ZBTB49: variants seen among roughly 807,000 people sequenced by gnomAD.
ZBTB49 encodes the protein zinc finger and BTB domain-containing protein 49.
In ZBTB49, 43 loss-of-function variants were observed where a neutral mutation model predicts 57.5. The ratio of observed to expected loss-of-function variants is 0.75; its 90% CI spans 0.59 to 0.97. ZBTB49 has a LOEUF of 0.97. Ranked by LOEUF, ZBTB49 falls within the 50% of genes least tolerant of loss-of-function variation. The probability of loss-of-function intolerance (pLI) is 0.00; values close to 1 mark genes in which losing one functional copy is unlikely to be tolerated. For missense variants in ZBTB49, 938 were observed against 947.7 expected (o/e 0.99, Z 0.13); for synonymous variants, 369 against 362.1 (o/e 1.02, Z -0.22).
rs192885927 is a variant in ZBTB49 at position 4,304,404 on chromosome 4, G to T, written c.1255+1313G>T. Among the ~76,000 whole-genome samples the T allele has an allele frequency of 3.9e-5, 6 of 152,048 alleles. No homozygotes were observed. The East Asian group carries it at 1.2e-3, about 29-fold the overall frequency. On this transcript the variant is annotated intron_variant, in intron 3 of 7. Transcript: ENST00000337872. ...CCAATTTTTTTGTATTTTTAGTAGA[G>T]ACAGGGTTTCACCATGTTGGTCAGG...
intron 3 of ZBTB49, among the ~76,000 whole-genome samples, chr4:4,303,725 A>AT (rs1720606533): frequency 1.5e-5 from 1 of 68,964 alleles, no homozygotes; most frequent in Non-Finnish European, 3.1e-5. Context: ...TTTTTAAGGT[A>AT]TTCTCTCTCT....
rs1402346652 is a variant in ZBTB49, at chr4:4,315,661, CG to C, written c.1403del (p.Arg468LeufsTer27). On this transcript the variant is annotated frameshift_variant, in exon 6 of 8. Coordinates refer to ENST00000337872, the MANE Select transcript of ZBTB49 (RefSeq NM_145291.4). LOFTEE classifies it high-confidence loss of function. ...GTTTGCAGCCTCTGGCGACGTCCAG[CG>C]TCACATTATTATTCACTCAGGAGAA... Reference protein sequence around the residue: ...KRFAASGDVQRHIIIHSGEKP... With the variant: ...KRFAASGDVQXHIIIHSGEKP... 3 of 1,614,184 alleles carry C rather than the reference CG, an allele frequency of 1.9e-6. No individual in the cohort carries two copies. The highest frequency in any genetic ancestry group is 2.5e-6 in the Non-Finnish European group (3 of 1,180,020).
intron 1 of ZBTB49, among the ~76,000 whole-genome samples, chr4:4,294,107 T>C (rs890226963): frequency 6.6e-6 from 1 of 152,340 alleles, no homozygotes; most frequent in African/African-American, 2.4e-5. Context: ...GCCTGGCATC[T>C]AGGAAACATA....
chr4:4,300,223 G>T (rs763600498), intron 2 of ZBTB49, 126 bp downstream of exon 2: 73 of 1,088,066 alleles, frequency 6.7e-5, no homozygotes, highest in Non-Finnish European at 8.8e-5. Flanking sequence ...ATTGGATTTT[G>T]TAGGAGTTGT....
intron 1 of ZBTB49, among the ~76,000 whole-genome samples, chr4:4,290,605 G>A (rs755806173): frequency 6.6e-6 from 1 of 152,220 alleles, no homozygotes; most frequent in Non-Finnish European, 1.5e-5. Flanking sequence ...TGGGAGCCGG[G>A]CCTTCTCCCT....
chr4:4,307,771 G>A (rs1173720789), intron 4 of ZBTB49, among the ~76,000 whole-genome samples: 2 of 151,912 alleles, frequency 1.3e-5, no homozygotes, highest in South Asian at 2.1e-4. Context: ...TAGCAATTGC[G>A]ACTTCTCTGG....
chr4:4,302,909 G>A lies in ZBTB49; in HGVS notation c.1073G>A (p.Ser358Asn). ...AGCCAAAGTGCTGAAGAAAAAGAAA[G>A]TGAAGAAGTCGTCAGTTGTGAGAAT... ...ASSQSAEEKE[S>N]EEVVSCENFN... The change falls in exon 3 of 8, where the codon AGT (serine) becomes AAT (asparagine). Residue 358 changes from serine (S) to asparagine (N), a missense_variant. Physicochemically the swap from Ser to Asn is conservative, Grantham distance 46 (BLOSUM62 1). Around this residue, in one of 3 missense-constraint regions of ZBTB49, gnomAD observed 835 missense variants for 819.1 expected, o/e 1.02. Coordinates refer to ENST00000337872, the MANE Select transcript of ZBTB49 (RefSeq NM_145291.4). 6.2e-7 allele frequency: 1 copy of A among 1,614,212 alleles called. No homozygotes were observed. Among genetic ancestry groups the A allele is most frequent in the Non-Finnish European group, 8.5e-7 (1 of 1,180,048 alleles).
intron 7 of ZBTB49, 102 bp downstream of exon 7, chr4:4,316,072 T>C: frequency 6.9e-7 from 1 of 1,443,530 alleles, no homozygotes; most frequent in South Asian, 1.4e-5. Context: ...GAGCCCTTTG[T>C]TTCCTCCTGT....
Position 4,313,132 on chromosome 4 carries a change from T to G in ZBTB49, c.1376+18T>G. ...GGAAAGAGGTCAGTGCTGGGCGTGT[T>G]CTTCCGTGTGGAAGGGAGCATGTCT... On this transcript the variant is annotated intron_variant, in intron 5 of 7. Transcript: ENST00000337872. The G allele has an allele frequency of 6.2e-7, 1 of 1,613,828 alleles. No individual in the cohort carries two copies. Among genetic ancestry groups the G allele is most frequent in the Non-Finnish European group, 8.5e-7 (1 of 1,179,906 alleles).
chr4:4,294,963 A>C (rs2980162), intron 1 of ZBTB49, among the ~76,000 whole-genome samples: 1 of 150,800 alleles, frequency 6.6e-6, no homozygotes, highest in Non-Finnish European at 1.5e-5. Context: ...AAAAGCATAG[A>C]CTCCAGTGTT....
chr4:4,291,255 G>A (rs901335877), intron 1 of ZBTB49, among the ~76,000 whole-genome samples: 1 of 152,172 alleles, frequency 6.6e-6, no homozygotes, highest in African/African-American at 2.4e-5. Flanking sequence ...GTGTCTTCAG[G>A]TTTGGTTTCT....
intron 7 of ZBTB49, among the ~76,000 whole-genome samples, chr4:4,318,894 CTTTTT>C (rs113390733): frequency 7.6e-6 from 1 of 130,946 alleles, no homozygotes; most frequent in Non-Finnish European, 1.6e-5. Context: ...TTTTTTTAAT[CTTTTT>C]TTTTTTTTTT....
chr4:4,301,649 C>G (rs901021211), intron 2 of ZBTB49, among the ~76,000 whole-genome samples: 10 of 151,916 alleles, frequency 6.6e-5, no homozygotes, highest in Non-Finnish European at 1.5e-5. Context: ...TCTTTTATTT[C>G]TTAGATCATA....
intron 5 of ZBTB49, 101 bp downstream of exon 5, chr4:4,313,215 C>T: frequency 7.5e-7 from 1 of 1,334,300 alleles, no homozygotes; most frequent in African/African-American, 1.5e-5. Flanking sequence ...AGATGAGCCA[C>T]AGGTGGGCTC....
intron 1 of ZBTB49, among the ~76,000 whole-genome samples, chr4:4,293,337 T>C (rs907759105): frequency 1.3e-5 from 2 of 152,250 alleles, no homozygotes; most frequent in African/African-American, 2.4e-5. Context: ...TCCTGAATTG[T>C]GCAGTTCCTT....
intron 2 of ZBTB49, among the ~76,000 whole-genome samples, chr4:4,301,215 T>A (rs1465344667): frequency 1.3e-5 from 2 of 152,230 alleles, no homozygotes; most frequent in African/African-American, 4.8e-5. Flanking sequence ...TTTGACAAAA[T>A]GTCTTCAACT....
At chr4:4,305,032 CCT>C (rs1199930874) in intron 3 of ZBTB49, among the ~76,000 whole-genome samples, 4 of 152,038 alleles carry the variant, frequency 2.6e-5, no homozygotes, top group Admixed American at 1.3e-4. Context: ...TAACTGGTGA[CCT>C]CTCTCTCTTT....
At position 4,290,955 on chromosome 4, in the gene ZBTB49, C is replaced by T. The variant is rs371440823; in HGVS notation, c.-20+603C>T. ...AGTAAGTACTCAATAAACGTTAGCT[C>T]TTCTCAGCCCTTAAAACAGGGTCTG... On this transcript the variant is annotated intron_variant, in intron 1 of 7. Coordinates refer to ENST00000337872, the MANE Select transcript of ZBTB49 (RefSeq NM_145291.4). Among the ~76,000 whole-genome samples the T allele has an allele frequency of 2.3e-3, 345 of 152,350 alleles. 2 individuals carry two copies. Among genetic ancestry groups the T allele is most frequent in the Non-Finnish European group, 4.2e-3 (287 of 68,044 alleles).
intron 2 of ZBTB49, among the ~76,000 whole-genome samples, chr4:4,301,483 A>G (rs1577234511): frequency 6.6e-6 from 1 of 152,132 alleles, no homozygotes; most frequent in Non-Finnish European, 1.5e-5. Context: ...AGGCACTTAG[A>G]TGTGGAAATA....
Sources: gnomAD v4.1 joint callset for allele counts (sites outside exome capture counted in the v4.1 genomes callset) on GRCh38, gnomAD v4.1.1 for gene constraint, gnomAD v4.1.1 regional missense constraint, MANE v1.5 for transcripts, NCBI Gene and HGNC (gene_info 2026-07-23, HGNC 2026-07-21) for gene names.